Variants in INPP4B observed in about 807,000 individuals in gnomAD.
INPP4B encodes the protein inositol polyphosphate 4-phosphatase type II.
In INPP4B, 55 loss-of-function variants were observed where a neutral mutation model predicts 122.5. That is an observed-to-expected ratio of 0.45 (90% confidence interval 0.36 to 0.56). The LOEUF (loss-of-function observed/expected upper bound fraction) is 0.56, where lower values mean the gene tolerates loss of function less well. Ranked by LOEUF, INPP4B falls within the 20% of genes least tolerant of loss-of-function variation. The probability of loss-of-function intolerance (pLI) is 0.00; values close to 1 mark genes in which losing one functional copy is unlikely to be tolerated. For synonymous variants in INPP4B, 403 were observed against 388.7 expected (o/e 1.04, Z -0.43); for missense variants, 1,000 against 1,097.7 (o/e 0.91, Z 1.26).
At chr4:142,049,256 A>T (rs1753187032) in intron 25 of INPP4B, among the ~76,000 whole-genome samples, 1 of 152,110 alleles carries the variant, frequency 6.6e-6, no homozygotes. Flanking sequence ...TCAGCAAAAG[A>T]GTATCATGTC....
At chr4:142,124,100 C>A (rs983355755) in intron 19 of INPP4B, among the ~76,000 whole-genome samples, 5 of 151,850 alleles carry the variant, frequency 3.3e-5, no homozygotes, top group African/African-American at 1.2e-4. Flanking sequence ...CCCTGTCAAA[C>A]CTCCTATTCG....
chr4:142,252,349 C>T lies in INPP4B; in HGVS notation c.688+8143G>A, dbSNP rs900688590. 1.3e-4 allele frequency among the ~76,000 whole-genome samples: 20 copies of T among 151,620 alleles called. No individual in the cohort carries two copies. The South Asian group carries it at 1.7e-3, about 13-fold the overall frequency. On this transcript the variant is annotated intron_variant, in intron 11 of 25. Transcript: ENST00000262992. ...GACTACAGGCGCCCGCTACCACGCC[C>T]GGCTAATTTTTTGTATTTTTAGTAG...
intron 10 of INPP4B, among the ~76,000 whole-genome samples, chr4:142,266,362 A>G (rs1382213558): frequency 1.3e-5 from 2 of 152,168 alleles, no homozygotes; most frequent in Non-Finnish European, 2.9e-5. Context: ...AATGTGGGAT[A>G]TATTCCAAGG....
At chr4:142,779,157 C>A (rs911437740) in intron 1 of INPP4B, among the ~76,000 whole-genome samples, 1 of 151,976 alleles carries the variant, frequency 6.6e-6, no homozygotes, top group Non-Finnish European at 1.5e-5. Flanking sequence ...ACAGCCAAAT[C>A]TCCTTGGCAT....
chr4:142,796,914 G>C (rs1278976276), intron 1 of INPP4B, among the ~76,000 whole-genome samples: 2 of 92,936 alleles, frequency 2.2e-5, no homozygotes, highest in Non-Finnish European at 4.8e-5. Context: ...GTGTGTGTGT[G>C]TCTGTGTGTA....
chr4:142,500,329 G>C (rs967672396), intron 2 of INPP4B, among the ~76,000 whole-genome samples: 1 of 152,172 alleles, frequency 6.6e-6, no homozygotes, highest in Non-Finnish European at 1.5e-5. Context: ...CTGAGGCCAG[G>C]ACATTACAAG....
At chr4:142,228,086 G>A (rs1852411314) in intron 12 of INPP4B, among the ~76,000 whole-genome samples, 1 of 151,862 alleles carries the variant, frequency 6.6e-6, no homozygotes, top group Non-Finnish European at 1.5e-5. Context: ...CAAGGTTTGT[G>A]TATGTGATCT....
chr4:142,386,768 C>A (rs556944342), intron 7 of INPP4B, among the ~76,000 whole-genome samples: 1 of 152,144 alleles, frequency 6.6e-6, no homozygotes, highest in African/African-American at 2.4e-5. Context: ...CTGCCCGAAT[C>A]GTAAATCATT....
chr4:142,454,089 C>A (rs1484118867), intron 3 of INPP4B, among the ~76,000 whole-genome samples: 1 of 152,014 alleles, frequency 6.6e-6, no homozygotes, highest in Non-Finnish European at 1.5e-5. Flanking sequence ...TGTCACTGAA[C>A]ACTGAAAAAA....
At chr4:142,382,439 G>A (rs1398483758) in intron 7 of INPP4B, among the ~76,000 whole-genome samples, 1 of 151,456 alleles carries the variant, frequency 6.6e-6, no homozygotes, top group Non-Finnish European at 1.5e-5. Context: ...AACCGAGGAG[G>A]TGGATGTTGC....
intron 1 of INPP4B, among the ~76,000 whole-genome samples, chr4:142,782,774 G>T (rs1775081781): frequency 6.6e-6 from 1 of 152,114 alleles, no homozygotes; most frequent in African/African-American, 2.4e-5. Context: ...ATACTACAAG[G>T]CTACAGTAAC....
chr4:142,347,355 C>T, intron 7 of INPP4B: 1 of 242,744 alleles, frequency 4.1e-6, no homozygotes, highest in South Asian at 4.6e-5. Flanking sequence ...GATGAAAGTG[C>T]TACATACATT....
chr4:142,036,632 C>G (rs181549388), intron 25 of INPP4B, among the ~76,000 whole-genome samples: 192 of 152,224 alleles, frequency 1.3e-3, no homozygotes, highest in African/African-American at 4.4e-3. Context: ...TGTATATGTC[C>G]TCCAAGTGAA....
chr4:142,218,522 C>T (rs1848211308), intron 12 of INPP4B, among the ~76,000 whole-genome samples: 1 of 151,932 alleles, frequency 6.6e-6, no homozygotes, highest in African/African-American at 2.4e-5. Flanking sequence ...AGTCGTAAGA[C>T]AAAATAGCTT....
chr4:142,040,114 T>C (rs1746427195), intron 25 of INPP4B, among the ~76,000 whole-genome samples: 1 of 146,548 alleles, frequency 6.8e-6, no homozygotes, highest in African/African-American at 2.5e-5. Flanking sequence ...AAGGGAGAAG[T>C]GGGGGAAGAA....
At chr4:142,416,516 G>A (rs1805808314) in intron 5 of INPP4B, among the ~76,000 whole-genome samples, 1 of 151,982 alleles carries the variant, frequency 6.6e-6, no homozygotes, top group Non-Finnish European at 1.5e-5. Context: ...ATGGCTATGT[G>A]CTATTGCTCA....
chr4:142,389,173 C>T (rs2148962687), intron 7 of INPP4B, among the ~76,000 whole-genome samples: 1 of 150,896 alleles, frequency 6.6e-6, no homozygotes, highest in South Asian at 2.1e-4. Flanking sequence ...TTGCTTGAAG[C>T]TGGGAGGTGG....
chr4:142,390,090 A>C (rs1797190631), intron 7 of INPP4B, among the ~76,000 whole-genome samples: 1 of 152,164 alleles, frequency 6.6e-6, no homozygotes, highest in Non-Finnish European at 1.5e-5. Context: ...TTTCACAGGA[A>C]TTATAAAGAA....
intron 14 of INPP4B, among the ~76,000 whole-genome samples, chr4:142,194,335 A>G (rs1291762107): frequency 6.6e-6 from 1 of 152,188 alleles, no homozygotes; most frequent in South Asian, 2.1e-4. Context: ...TTATTAAGAT[A>G]GCAGAACATT....
Sources: gnomAD v4.1 joint callset for allele counts (sites outside exome capture counted in the v4.1 genomes callset) on GRCh38, gnomAD v4.1.1 for gene constraint, MANE v1.5 for transcripts, NCBI Gene and HGNC (gene_info 2026-07-23, HGNC 2026-07-21) for gene names.